The following MALRD1 variants were observed in gnomAD, a reference collection of about 807,000 sequenced individuals.
The protein encoded by MALRD1 is MAM and LDL-receptor class A domain-containing protein 1.
A neutral mutation model predicts 242.1 loss-of-function variants in MALRD1; 247 were observed. The observed-to-expected ratio is 1.02, with a 90% CI of 0.92 to 1.13. The LOEUF (loss-of-function observed/expected upper bound fraction) is 1.13, where lower values mean the gene tolerates loss of function less well. Ranked by LOEUF, MALRD1 falls within the 50% of genes most tolerant of loss-of-function variation. The probability of loss-of-function intolerance (pLI) is 0.00; values close to 1 mark genes in which losing one functional copy is unlikely to be tolerated. For missense variants in MALRD1, 2,989 were observed against 2,533.1 expected, an observed-to-expected ratio of 1.18 and a Z score of -3.86; for synonymous variants, 995 against 866.6, an observed-to-expected ratio of 1.15 and a Z score of -2.60.
At chr10:19,714,655 T>C (rs1834297341) in intron 38 of MALRD1, among the ~76,000 whole-genome samples, 1 of 152,098 alleles carries the variant, frequency 6.6e-6, no homozygotes, top group Non-Finnish European at 1.5e-5. Flanking sequence ...CCCCTCCCCG[T>C]ATCAATGTGA....
At chr10:19,714,940 A>G (rs184970721) in intron 38 of MALRD1, among the ~76,000 whole-genome samples, 1 of 152,280 alleles carries the variant, frequency 6.6e-6, no homozygotes, top group Admixed American at 6.5e-5. Context: ...ATCCAACTAC[A>G]TGGGTTTAAA....
intron 36 of MALRD1, among the ~76,000 whole-genome samples, chr10:19,627,245 G>A (rs928862099): frequency 5.3e-5 from 8 of 151,968 alleles, no homozygotes; most frequent in African/African-American, 1.9e-4. Flanking sequence ...AAATTTCTTT[G>A]GGAAAATAGC....
intron 21 of MALRD1, among the ~76,000 whole-genome samples, chr10:19,290,627 T>G (rs1841371531): frequency 2.0e-5 from 3 of 152,188 alleles, no homozygotes; most frequent in Admixed American, 1.3e-4. Context: ...TCCTAGTATT[T>G]TGAGAAAAGA....
chr10:19,540,737 A>G (rs1414319263), intron 32 of MALRD1, among the ~76,000 whole-genome samples: 1 of 152,170 alleles, frequency 6.6e-6, no homozygotes, highest in African/African-American at 2.4e-5. Context: ...AGAAGTGGAA[A>G]AAAAACCTTG....
At chr10:19,366,041 G>T (rs1405123705) in intron 26 of MALRD1, among the ~76,000 whole-genome samples, 1 of 152,014 alleles carries the variant, frequency 6.6e-6, no homozygotes, top group Non-Finnish European at 1.5e-5. Flanking sequence ...TTTCATGGAA[G>T]ACAATTTTTC....
intron 13 of MALRD1, among the ~76,000 whole-genome samples, chr10:19,170,335 G>C (rs1179308685): frequency 6.6e-6 from 1 of 151,964 alleles, no homozygotes; most frequent in Non-Finnish European, 1.5e-5. Flanking sequence ...GTATCTCAAG[G>C]TGGCACTTTT....
At chr10:19,097,205 G>T (rs1471958907) in intron 4 of MALRD1, among the ~76,000 whole-genome samples, 1 of 152,132 alleles carries the variant, frequency 6.6e-6, no homozygotes, top group Non-Finnish European at 1.5e-5. Context: ...AAGCTTTAGA[G>T]AGTTAAATAA....
chr10:19,564,859 A>T, intron 32 of MALRD1, among the ~76,000 whole-genome samples: 1 of 152,146 alleles, frequency 6.6e-6, no homozygotes, highest in Non-Finnish European at 1.5e-5. Flanking sequence ...TATCATTTCT[A>T]TTGAAGGACA....
intron 21 of MALRD1, among the ~76,000 whole-genome samples, chr10:19,319,737 G>T (rs1842841299): frequency 6.6e-6 from 1 of 151,878 alleles, no homozygotes; most frequent in African/African-American, 2.4e-5. Context: ...GGTCTCCTTT[G>T]TAAGAGCACT....
rs1843364386 is a variant in MALRD1 at position 19,331,424 on chromosome 10, A to AT, written c.3744dup (p.Ile1249TyrfsTer11). ...TACATAGGAGATGTAGCAGTGGATG[A>AT]TATTTCCTTCCAAGATTGCTCCCCT... On this transcript the variant is annotated frameshift_variant, in exon 24 of 40. Coordinates refer to ENST00000454679, the MANE Select transcript of MALRD1 (RefSeq NM_001142308.3). LOFTEE classifies it high-confidence loss of function. 2.6e-6 allele frequency: 4 copies of AT among 1,550,418 alleles called. No homozygotes were observed. The highest frequency in any genetic ancestry group is 3.5e-6 in the Non-Finnish European group (4 of 1,146,894).
chr10:19,497,602 A>G (rs914996650), intron 30 of MALRD1, among the ~76,000 whole-genome samples: 2 of 152,088 alleles, frequency 1.3e-5, no homozygotes, highest in African/African-American at 4.8e-5. Context: ...ACATTTCTAT[A>G]TGCTAACATT....
chr10:19,397,571 T>C (rs7083758), intron 28 of MALRD1, among the ~76,000 whole-genome samples: 3,088 of 152,210 alleles, frequency 0.02, 95 homozygotes, highest in African/African-American at 0.07. Flanking sequence ...TCTCAACCTA[T>C]TGATTTCATT....
At chr10:19,265,728 G>A (rs965654417) in intron 19 of MALRD1, among the ~76,000 whole-genome samples, 17 of 151,894 alleles carry the variant, frequency 1.1e-4, no homozygotes, top group Non-Finnish European at 2.1e-4. Context: ...ATGACTGTTA[G>A]GTCAATTTCC....
intron 34 of MALRD1, among the ~76,000 whole-genome samples, chr10:19,604,757 TA>T (rs1189185262): frequency 5.3e-5 from 8 of 152,194 alleles, no homozygotes; most frequent in Admixed American, 4.6e-4. Context: ...TTCTAGTTAT[TA>T]TTTTTTTAGG....
chr10:19,227,192 G>T (rs1008494712), intron 18 of MALRD1, among the ~76,000 whole-genome samples: 1 of 151,614 alleles, frequency 6.6e-6, no homozygotes, highest in Admixed American at 6.6e-5. Flanking sequence ...AATAGCCAGA[G>T]CATGTTTTAG....
At chr10:19,436,938 T>G (rs947426017) in intron 28 of MALRD1, among the ~76,000 whole-genome samples, 1 of 152,188 alleles carries the variant, frequency 6.6e-6, no homozygotes, top group African/African-American at 2.4e-5. Context: ...CCCATACTCC[T>G]GGACCACTGA....
chr10:19,478,754 A>G (rs1332607856), intron 29 of MALRD1, among the ~76,000 whole-genome samples: 1 of 152,190 alleles, frequency 6.6e-6, no homozygotes, highest in Non-Finnish European at 1.5e-5. Context: ...AACAACCAGT[A>G]AATTACTTTG....
chr10:19,441,454 T>C (rs943480606), intron 28 of MALRD1, among the ~76,000 whole-genome samples: 1 of 152,244 alleles, frequency 6.6e-6, no homozygotes, highest in Non-Finnish European at 1.5e-5. Context: ...GGTTTTCTTC[T>C]AGGATTTTTA....
At chr10:19,229,959 G>A (rs776770522) in intron 18 of MALRD1, among the ~76,000 whole-genome samples, 7 of 152,168 alleles carry the variant, frequency 4.6e-5, no homozygotes, top group Non-Finnish European at 5.9e-5. Flanking sequence ...GAGGGACCTC[G>A]TGAGAGGTAA....
Sources: gnomAD v4.1 joint callset for allele counts (sites outside exome capture counted in the v4.1 genomes callset) on GRCh38, gnomAD v4.1.1 for gene constraint, MANE v1.5 for transcripts, NCBI Gene and HGNC (gene_info 2026-07-23, HGNC 2026-07-21) for gene names.